Variants in SLC6A18 observed in about 807,000 individuals in gnomAD.
The protein encoded by SLC6A18 is solute carrier family 6 member 18.
In SLC6A18, 58 loss-of-function variants were observed where a neutral mutation model predicts 62.9. The observed-to-expected ratio is 0.92, with a 90% CI of 0.75 to 1.15. The LOEUF is 1.15. Among genes scored for constraint, SLC6A18 ranks in the 50% most tolerant of loss-of-function variants. SLC6A18 has a pLI of 0.00. For missense variants in SLC6A18, 793 were observed against 836.6 expected, an observed-to-expected ratio of 0.95 and a Z score of 0.64; for synonymous variants, 382 against 365.8, an observed-to-expected ratio of 1.04 and a Z score of -0.51.
chr5:1,245,544 C>T (rs1335719691), intron 11 of SLC6A18, among the ~76,000 whole-genome samples: 1 of 152,210 alleles, frequency 6.6e-6, no homozygotes, highest in Non-Finnish European at 1.5e-5. Flanking sequence ...GCTGGGGACA[C>T]GGCCTCCAAC....
At chr5:1,227,104 C>A (rs1365754448) in intron 1 of SLC6A18, among the ~76,000 whole-genome samples, 1 of 148,144 alleles carries the variant, frequency 6.8e-6, no homozygotes, top group East Asian at 2.0e-4. Context: ...CCCGCCGACG[C>A]CTTGCCCGCC....
chr5:1,235,470 C>T lies in SLC6A18; in HGVS notation c.440-11C>T. ...CCCACAGCCAGCCTGTGACAGGCCC[C>T]CTGGTTTCAGGGTTTGTGGAGGAGT... is the stretch of plus-strand genomic sequence containing the variant. On this transcript the variant is annotated splice_polypyrimidine_tract_variant and intron_variant, in intron 3 of 11. Coordinates refer to ENST00000324642, the MANE Select transcript of SLC6A18 (RefSeq NM_182632.3). 1.2e-6 allele frequency: 2 copies of T among 1,611,688 alleles called. No homozygotes were observed. The highest frequency in any genetic ancestry group is 3.3e-5 in the Admixed American group (2 of 59,966).
chr5:1,235,443 G>A (rs369173111), intron 3 of SLC6A18, 38 bp from the exon 4 acceptor site: 136 of 1,602,098 alleles, frequency 8.5e-5, no homozygotes, highest in Admixed American at 5.7e-4. Flanking sequence ...GGGTGCCTAC[G>A]CCCCACAGCC....
intron 4 of SLC6A18, 28 bp from the exon 5 acceptor site, chr5:1,237,922 G>C (rs891024745): frequency 1.3e-6 from 2 of 1,580,472 alleles, no homozygotes; most frequent in African/African-American, 2.7e-5. Flanking sequence ...GCCATTTCAA[G>C]TCTCATGACT....
In SLC6A18 at chr5:1,241,805, A is replaced by C. The variant is rs1561180176; in HGVS notation, c.975-902A>C. Among the ~76,000 whole-genome samples, 1 of 152,308 alleles carries C rather than the reference A, an allele frequency of 6.6e-6. No homozygotes were observed. Among genetic ancestry groups the C allele is most frequent in the Middle Eastern group, 3.4e-3 (1 of 294 alleles). On this transcript the variant is annotated intron_variant, in intron 7 of 11. Transcript: ENST00000324642. This position sits in a 1 kb window ranked among gnomAD's most constrained non-coding sequence, Gnocchi z 7.8. ...TCGCAAGTAACTGTAAAAGTGCGCAAATATTGACGGGGTTACAAGCACATC... is the reference window on the plus strand; with the variant it reads ...TCGCAAGTAACTGTAAAAGTGCGCACATATTGACGGGGTTACAAGCACATC...
chr5:1,234,522 G>A (rs773752688), intron 3 of SLC6A18, among the ~76,000 whole-genome samples: 35 of 152,330 alleles, frequency 2.3e-4, no homozygotes, highest in South Asian at 6.2e-4. Flanking sequence ...TTGTCCAAGC[G>A]TTTACTTTTG....
chr5:1,245,958 G>A lies in SLC6A18; in HGVS notation c.1767G>A (p.Gln589=), dbSNP rs1168795881. ...VLWVPVAALA[Q]LLTRRRRTWR... ...GGGTCCCGGTGGCCGCGCTTGCTCA[G>A]CTGCTCACCCGGCGGAGGCGGACGT... is the stretch of plus-strand genomic sequence containing the variant. The change falls in exon 12 of 12, where the codon CAG becomes CAA. Residue 589 remains glutamine (Q), a synonymous_variant. Coordinates refer to ENST00000324642, the MANE Select transcript of SLC6A18 (RefSeq NM_182632.3). 1.9e-6 allele frequency: 3 copies of A among 1,602,196 alleles called. No homozygotes were observed. In the South Asian group the frequency reaches 3.3e-5, roughly 18 times the overall value.
chr5:1,238,607 C>T (rs1250347867), intron 5 of SLC6A18, among the ~76,000 whole-genome samples: 13 of 38,482 alleles, frequency 3.4e-4, no homozygotes, highest in African/African-American at 2.8e-3. Context: ...CCAGGGGCCT[C>T]AGGAAAGAGG....
At chr5:1,234,797 TAGA>T (rs1289270943) in intron 3 of SLC6A18, among the ~76,000 whole-genome samples, 3 of 152,196 alleles carry the variant, frequency 2.0e-5, no homozygotes, top group Non-Finnish European at 4.4e-5. Flanking sequence ...GAAGGAGACC[TAGA>T]AGAAGCCTTG....
In SLC6A18 at chr5:1,240,611, C is replaced by A; in HGVS notation, c.926C>A (p.Ser309Tyr). 1 of 1,614,210 alleles carries A rather than the reference C, an allele frequency of 6.2e-7. No individual in the cohort carries two copies. Among genetic ancestry groups the A allele is most frequent in the Admixed American group, 1.7e-5 (1 of 60,036 alleles). The change falls in exon 7 of 12, where the codon TCT (serine) becomes TAT (tyrosine). Residue 309 changes from serine (S) to tyrosine (Y), a missense_variant. Ser to Tyr is a moderately radical substitution (Grantham distance 144). Coordinates refer to ENST00000324642, the MANE Select transcript of SLC6A18 (RefSeq NM_182632.3). The part of the protein sequence containing the change: ...TSLYASIAVF[S>Y]VLGFKATNDY... ...CTGTACGCGTCCATCGCTGTCTTCTCTGTCCTGGGGTTCAAAGCAACTAAT... is the reference window on the plus strand; with the variant it reads ...CTGTACGCGTCCATCGCTGTCTTCTATGTCCTGGGGTTCAAAGCAACTAAT...
chr5:1,238,003 C>G lies in SLC6A18; in HGVS notation c.675C>G (p.Ile225Met), dbSNP rs1579530571. 1 of 1,614,104 alleles carries G rather than the reference C, an allele frequency of 6.2e-7. No individual in the cohort carries two copies. The highest frequency in any genetic ancestry group is 1.7e-5 in the Admixed American group (1 of 60,010). Residue 225 changes from isoleucine (I) to methionine (M), a missense_variant, in exon 5 of 12, where the codon ATC becomes ATG. Transcript: ENST00000324642. ...FPYLVLTIFLIRGLTLPGATK... is the reference protein window; with the variant it reads ...FPYLVLTIFLMRGLTLPGATK... ...ACCTGGTCCTGACCATCTTTCTCAT[C>G]AGAGGGCTGACCCTGCCAGGGGCAA...
chr5:1,226,833 A>G (rs189056398), intron 1 of SLC6A18, among the ~76,000 whole-genome samples: 74 of 152,310 alleles, frequency 4.9e-4, no homozygotes, highest in African/African-American at 1.7e-3. Context: ...TCACCAGAGC[A>G]TGCAAGGTTG....
In SLC6A18 at chr5:1,239,939, G is replaced by A. The variant is rs138288302; in HGVS notation, c.845+377G>A. The stretch of plus-strand genomic sequence containing the variant: ...AGATCCCTACAAAGTGCAATTCCAC[G>A]GATCATAAAGTGCATAGCCCAGTGC... On this transcript the variant is annotated intron_variant, in intron 6 of 11. Coordinates refer to ENST00000324642, the MANE Select transcript of SLC6A18 (RefSeq NM_182632.3). 3.2e-3 allele frequency among the ~76,000 whole-genome samples: 486 copies of A among 152,332 alleles called. 2 individuals are homozygous for A. Among genetic ancestry groups the A allele is most frequent in the Admixed American group, 8.1e-3 (124 of 15,306 alleles).
At chr5:1,237,488 A>G (rs749424073) in intron 4 of SLC6A18, among the ~76,000 whole-genome samples, 5 of 152,092 alleles carry the variant, frequency 3.3e-5, no homozygotes, top group Non-Finnish European at 7.4e-5. Flanking sequence ...GCCACACAGA[A>G]GGGCTGAGAA....
At chr5:1,226,899 A>G (rs11133698) in intron 1 of SLC6A18, among the ~76,000 whole-genome samples, 138,193 of 151,862 alleles carry the variant, frequency 0.91, 63,310 homozygotes, top group Non-Finnish European at 0.95. Context: ...TTTACCCACC[A>G]ACGCCTTGTT....
At chr5:1,244,564 C>T (rs369077510) in intron 10 of SLC6A18, 44 bp from the exon 11 acceptor site, 290 of 1,562,770 alleles carry the variant, frequency 1.9e-4, no homozygotes, top group South Asian at 2.3e-4. Context: ...AGTGGGTGGA[C>T]CTTCCACAGA....
intron 1 of SLC6A18, 48 bp from the exon 2 acceptor site, chr5:1,232,171 C>A: frequency 2.5e-6 from 4 of 1,572,702 alleles, no homozygotes; most frequent in Non-Finnish European, 2.6e-6. Context: ...GCCACAGTCC[C>A]CCCCAGCCCC....
At chr5:1,231,547 C>T (rs999145323) in intron 1 of SLC6A18, among the ~76,000 whole-genome samples, 3 of 152,042 alleles carry the variant, frequency 2.0e-5, no homozygotes, top group East Asian at 1.9e-4. Flanking sequence ...GCCCTCAAGC[C>T]GCCCTGGGGT....
Position 1,232,731 on chromosome 5 carries a change from G to A in SLC6A18, c.302-20G>A. ...CTGGGAAGGAGCCCCGGGGCCACCT[G>A]ACATGGTCCCTGTCCACAGGGCTGG... On this transcript the variant is annotated intron_variant, in intron 2 of 11. Transcript: ENST00000324642. The A allele has an allele frequency of 6.3e-7, 1 of 1,595,280 alleles. No individual in the cohort carries two copies. The highest frequency in any genetic ancestry group is 8.6e-7 in the Non-Finnish European group (1 of 1,168,968).
Sources: gnomAD v4.1 joint callset for allele counts (sites outside exome capture counted in the v4.1 genomes callset) on GRCh38, gnomAD v4.1.1 for gene constraint, Gnocchi (gnomAD v3.1) non-coding constraint, MANE v1.5 for transcripts, NCBI Gene and HGNC (gene_info 2026-07-23, HGNC 2026-07-21) for gene names.